The following PGPEP1L variants were observed in gnomAD, a reference collection of about 807,000 sequenced individuals.
The protein encoded by PGPEP1L is pyroglutamyl-peptidase I like.
In PGPEP1L, 7 loss-of-function variants were observed where a neutral mutation model predicts 6.0. The observed-to-expected ratio is 1.17, with a 90% CI of 0.66 to 2.19. The LOEUF is 2.19. Among genes scored for constraint, PGPEP1L ranks in the 30% most tolerant of loss-of-function variants. PGPEP1L has a pLI of 0.00. For missense variants in PGPEP1L, 209 were observed against 192.5 expected (o/e 1.09, Z -0.51); for synonymous variants, 103 against 83.9 (o/e 1.23, Z -1.24).
At chr15:98,988,792 A>C (rs2017782548) in intron 2 of PGPEP1L, among the ~76,000 whole-genome samples, 1 of 152,152 alleles carries the variant, frequency 6.6e-6, no homozygotes, top group African/African-American at 2.4e-5. Flanking sequence ...TCAGGCGGCA[A>C]TCTTTGCTGT....
intron 2 of PGPEP1L, among the ~76,000 whole-genome samples, chr15:98,993,834 A>G (rs756108672): frequency 1.2e-5 from 1 of 80,550 alleles, no homozygotes; most frequent in Non-Finnish European, 3.6e-5. Flanking sequence ...AAACAATTAC[A>G]TGAAAAAAAA....
At chr15:98,980,642 T>C (rs994616654) in intron 2 of PGPEP1L, among the ~76,000 whole-genome samples, 7 of 151,506 alleles carry the variant, frequency 4.6e-5, no homozygotes, top group African/African-American at 7.3e-5. Flanking sequence ...AAAAAGTAAC[T>C]GTATGGTGGC....
chr15:98,999,992 C>G (rs1441049707), intron 2 of PGPEP1L, among the ~76,000 whole-genome samples: 1 of 152,266 alleles, frequency 6.6e-6, no homozygotes, highest in Non-Finnish European at 1.5e-5. Context: ...GTGGGAGCCC[C>G]TTTCTGGGCA....
chr15:98,971,771 T>C (rs1596510516), intron 2 of PGPEP1L, among the ~76,000 whole-genome samples: 1 of 152,202 alleles, frequency 6.6e-6, no homozygotes, highest in Admixed American at 6.5e-5. Flanking sequence ...ATGGTAATGG[T>C]GTTAAGTGAA....
rs781239551 is a variant in PGPEP1L at position 98,968,540 on chromosome 15, G to C, written c.367C>G (p.Pro123Ala). 3 of 1,612,904 alleles carry C rather than the reference G, an allele frequency of 1.9e-6. No individual in the cohort carries two copies. Among genetic ancestry groups the C allele is most frequent in the African/African-American group, 1.3e-5 (1 of 74,980 alleles). ...TCTTCGAACTGGGCTCTGTGCTTGG[G>C]CTTTCCCACCTCTTCCAGCATTTCC... ...IQEMLEEVGK[P>A]KHRAQFEENS... is the part of the protein sequence containing the mutation. The change falls in exon 5 of 5, where the codon CCC (proline) becomes GCC (alanine). Residue 123 changes from proline (P) to alanine (A), a missense_variant. Pro to Ala is a conservative substitution (Grantham distance 27). Transcript: ENST00000535714.
chr15:98,982,725 T>G, intron 2 of PGPEP1L, among the ~76,000 whole-genome samples: 1 of 85,468 alleles, frequency 1.2e-5, no homozygotes, highest in South Asian at 4.3e-4. Context: ...TTTTTTTTTT[T>G]TTTGAGACAG....
chr15:98,991,754 C>A (rs1412652629), intron 2 of PGPEP1L, among the ~76,000 whole-genome samples: 1 of 152,182 alleles, frequency 6.6e-6, no homozygotes. Context: ...AGCTTATCTA[C>A]TACAATCAAG....
chr15:98,981,508 A>AAC (rs929254921), intron 2 of PGPEP1L, among the ~76,000 whole-genome samples: 1 of 139,670 alleles, frequency 7.2e-6, no homozygotes, highest in African/African-American at 2.8e-5. Context: ...AAAAAAAAAC[A>AAC]AAAACAAAAC....
chr15:99,001,392 T>C (rs1214681628), intron 2 of PGPEP1L: 2 of 175,712 alleles, frequency 1.1e-5, no homozygotes, highest in African/African-American at 4.8e-5. Context: ...TGCCAGAAGC[T>C]GGGTATGTGT....
rs375464663 is a variant in PGPEP1L at position 98,971,113 on chromosome 15, G to A, written c.-96C>T. ...TAATCTACAGGCAGCTCCAGAGTCCGCAGCTGCACCACTGTTTCATTCCCC... is the reference window on the plus strand; with the variant it reads ...TAATCTACAGGCAGCTCCAGAGTCCACAGCTGCACCACTGTTTCATTCCCC... On this transcript the variant is annotated 5_prime_UTR_variant, in exon 3 of 5. Coordinates refer to ENST00000535714, the MANE Select transcript of PGPEP1L (RefSeq NM_001167902.2). 6.7e-5 allele frequency: 107 copies of A among 1,603,582 alleles called. 3 individuals are homozygous for A. In the African/African-American group the frequency reaches 7.7e-4, roughly 12 times the overall value.
intron 2 of PGPEP1L, 103 bp downstream of exon 2, chr15:99,005,326 T>C (rs1313768715): frequency 6.6e-6 from 1 of 152,460 alleles, no homozygotes; most frequent in East Asian, 1.9e-4. Context: ...ATTCTTTTTT[T>C]CCCTCAGGGA....
chr15:99,000,832 A>G (rs577406830), intron 2 of PGPEP1L, among the ~76,000 whole-genome samples: 1 of 152,292 alleles, frequency 6.6e-6, no homozygotes, highest in Non-Finnish European at 1.5e-5. Flanking sequence ...GCGGGAGCCA[A>G]CAGTGGCAAC....
At position 98,979,633 on chromosome 15, in the gene PGPEP1L, C is replaced by CT. The variant is rs568793204; in HGVS notation, c.-141-8476dup. Among the ~76,000 whole-genome samples, 36 of 46,502 alleles carry CT rather than the reference C, an allele frequency of 7.7e-4. 3 individuals carry two copies. The highest frequency in any genetic ancestry group is 1.9e-3 in the African/African-American group (32 of 16,694). The allele number at this position is 46,502 out of a possible 152,430, so 30.5% of individuals were successfully genotyped here. A position where few individuals can be genotyped will look rare whatever the true frequency, so the allele number is the denominator to read the frequency against. ...AACCTGGATGGGATTGGAGACTATT[C>CT]TTTTTTTTTTTTTTTTTTTTTTTTT... On this transcript the variant is annotated intron_variant, in intron 2 of 4. Transcript: ENST00000535714.
chr15:99,006,599 TAGG>T (rs1242182261), intron 1 of PGPEP1L, among the ~76,000 whole-genome samples: 1 of 152,112 alleles, frequency 6.6e-6, no homozygotes, highest in Non-Finnish European at 1.5e-5. Context: ...GAGGCCAAGG[TAGG>T]AGGATAGCCT....
At chr15:98,994,995 C>T (rs2017868301) in intron 2 of PGPEP1L, among the ~76,000 whole-genome samples, 1 of 152,154 alleles carries the variant, frequency 6.6e-6, no homozygotes, top group South Asian at 2.1e-4. Context: ...TTTTGGTATT[C>T]TGTAGCTTAA....
At chr15:98,995,801 A>C (rs2017879714) in intron 2 of PGPEP1L, among the ~76,000 whole-genome samples, 1 of 152,134 alleles carries the variant, frequency 6.6e-6, no homozygotes, top group Admixed American at 6.6e-5. Flanking sequence ...CATATTCATT[A>C]ATTGTCACTC....
chr15:98,977,225 T>C (rs1163125230), intron 2 of PGPEP1L, among the ~76,000 whole-genome samples: 1 of 152,214 alleles, frequency 6.6e-6, no homozygotes, highest in African/African-American at 2.4e-5. Flanking sequence ...GTTATATTTC[T>C]GCTACTTCAT....
chr15:98,981,320 G>T, intron 2 of PGPEP1L, among the ~76,000 whole-genome samples: 1 of 151,930 alleles, frequency 6.6e-6, no homozygotes, highest in Non-Finnish European at 1.5e-5. Flanking sequence ...GTGAAACCCC[G>T]TCTCCACTAA....
chr15:98,996,437 T>C (rs2017888357), intron 2 of PGPEP1L, among the ~76,000 whole-genome samples: 1 of 152,174 alleles, frequency 6.6e-6, no homozygotes, highest in African/African-American at 2.4e-5. Flanking sequence ...GTATGTGTGC[T>C]AACCACTCAC....
Sources: gnomAD v4.1 joint callset for allele counts (sites outside exome capture counted in the v4.1 genomes callset) on GRCh38, gnomAD v4.1.1 for gene constraint, MANE v1.5 for transcripts, NCBI Gene and HGNC (gene_info 2026-07-23, HGNC 2026-07-21) for gene names.